Variants in ABCC3 observed in about 807,000 individuals in gnomAD.
The protein encoded by ABCC3 is ATP-binding cassette sub-family C member 3.
ABCC3 carries 121 observed loss-of-function variants against 165.3 expected under a neutral mutation model. The ratio of observed to expected loss-of-function variants is 0.73; its 90% confidence interval spans 0.63 to 0.85. The LOEUF (loss-of-function observed/expected upper bound fraction) is 0.85, where lower values mean the gene tolerates loss of function less well. ABCC3 is among the 40% of genes least tolerant of loss of function. ABCC3 has a pLI of 0.00. For missense variants in ABCC3, 1,869 were observed against 1,964.1 expected (o/e 0.95, Z 0.92); for synonymous variants, 733 against 810.1 (o/e 0.90, Z 1.62).
intron 1 of ABCC3, chr17:50,643,678 G>A (rs1243689345): frequency 4.4e-6 from 2 of 455,718 alleles, no homozygotes; most frequent in South Asian, 3.1e-5. Flanking sequence ...TTTCAGCCAG[G>A]CCTGTCACCC....
intron 19 of ABCC3, among the ~76,000 whole-genome samples, chr17:50,673,957 T>TTCCTTCC (rs1967716369): frequency 5.6e-5 from 1 of 17,920 alleles, no homozygotes; most frequent in African/African-American, 2.4e-4. Flanking sequence ...TCTTTCTTTC[T>TTCCTTCC]TTCTTTCTTT....
At chr17:50,673,384 C>T in intron 18 of ABCC3, 85 bp from the exon 19 acceptor site, 2 of 1,522,588 alleles carry the variant, frequency 1.3e-6, no homozygotes, top group African/African-American at 1.4e-5. Flanking sequence ...CATGGGCACA[C>T]TTCACACTCA....
chr17:50,681,762 G>A (rs1315841031), intron 26 of ABCC3, among the ~76,000 whole-genome samples: 1 of 151,998 alleles, frequency 6.6e-6, no homozygotes, highest in African/African-American at 2.4e-5. Flanking sequence ...TTCTGTTCTC[G>A]TCTAATTCAA....
Position 50,659,636 on chromosome 17 carries a change from CACTT to C in ABCC3, c.806+270_806+273del, listed in dbSNP as rs1456837052. ...CCCATCCTAAGGATATAAATAAACT[CACTT>C]AATTTTTCAACAGCCCTAAAGGGTA... On this transcript the variant is annotated intron_variant, in intron 7 of 30. Coordinates refer to ENST00000285238, the MANE Select transcript of ABCC3 (RefSeq NM_003786.4). Among the ~76,000 whole-genome samples, 3 of 152,128 alleles carry C rather than the reference CACTT, an allele frequency of 2.0e-5. No homozygotes were observed. The East Asian group carries it at 5.8e-4, about 29-fold the overall frequency.
intron 1 of ABCC3, among the ~76,000 whole-genome samples, chr17:50,649,111 CAAAAA>C (rs575758407): frequency 2.0e-5 from 2 of 100,182 alleles, no homozygotes; most frequent in African/African-American, 4.2e-5. Flanking sequence ...GACTCCATCT[CAAAAA>C]AAAAAAAAAA....
intron 1 of ABCC3, among the ~76,000 whole-genome samples, chr17:50,648,808 C>G (rs1967054391): frequency 6.6e-6 from 1 of 152,118 alleles, no homozygotes; most frequent in Non-Finnish European, 1.5e-5. Context: ...AATATTGAGA[C>G]AGCCAAGCCG....
chr17:50,679,867 A>G lies in ABCC3; in HGVS notation c.3775A>G (p.Arg1259Gly). 1.2e-6 allele frequency: 2 copies of G among 1,614,090 alleles called. No homozygotes were observed. The highest frequency in any genetic ancestry group is 2.2e-5 in the East Asian group (1 of 44,878). Residue 1259 changes from arginine to glycine, a missense_variant, in exon 26 of 31, where the codon AGG becomes GGG. Transcript: ENST00000285238. ...GGAATCTAACATCGTGGCTGTGGAG[A>G]GGGTCAAGGAGTACTCCAAGACAGA... ...DLESNIVAVE[R>G]VKEYSKTETE... is the part of the protein sequence containing the mutation.
Position 50,659,220 on chromosome 17 carries a change from G to T in ABCC3, c.675-17G>T, listed in dbSNP as rs1205792927. 3 of 1,612,766 alleles carry T rather than the reference G, an allele frequency of 1.9e-6. No homozygotes were observed. Among genetic ancestry groups the T allele is most frequent in the East Asian group, 2.2e-5 (1 of 44,848 alleles). ...GACCCTCTGCGGGGCTGCCTGCCGG[G>T]CTTCACCTCCCCCCAGGATGGCCAT... is the stretch of plus-strand genomic sequence containing the variant. On this transcript the variant is annotated splice_polypyrimidine_tract_variant and intron_variant, in intron 6 of 30. Transcript: ENST00000285238.
In ABCC3 at chr17:50,687,528, A is replaced by T. The variant is rs752952212; in HGVS notation, c.4281-8A>T. 1 of 1,611,060 alleles carries T rather than the reference A, an allele frequency of 6.2e-7. No homozygotes were observed. The highest frequency in any genetic ancestry group is 8.5e-7 in the Non-Finnish European group (1 of 1,179,000). ...CCAGCTGGAAATGCCTGCCTTCTCC[A>T]CTCCCAGCGTGGGCCAGAGGCAGCT... On this transcript the variant is annotated splice_region_variant and splice_polypyrimidine_tract_variant and intron_variant, in intron 29 of 30. Transcript: ENST00000285238.
intron 18 of ABCC3, 25 bp downstream of exon 18, chr17:50,673,163 G>C: frequency 6.2e-7 from 1 of 1,612,224 alleles, no homozygotes; most frequent in Non-Finnish European, 8.5e-7. Context: ...AGGCTAAGGG[G>C]GCTAAGGTGA....
In ABCC3 at chr17:50,661,029, G is replaced by A; in HGVS notation, c.913G>A (p.Ala305Thr). Residue 305 changes from alanine (A) to threonine (T), a missense_variant, in exon 8 of 31, where the codon GCC becomes ACC. Physicochemically the swap from Ala to Thr is moderately conservative, Grantham distance 58. Transcript: ENST00000285238. ...GCCCTCCTTCCTGAAGGCCCTGCTG[G>A]CCACCTTCGGCTCCAGCTTCCTCAT... ...RKPSFLKALL[A>T]TFGSSFLISA... 1 of 1,614,130 alleles carries A rather than the reference G, an allele frequency of 6.2e-7. No individual in the cohort carries two copies. Among genetic ancestry groups the A allele is most frequent in the Non-Finnish European group, 8.5e-7 (1 of 1,180,006 alleles).
chr17:50,635,116 A>AG (rs1179181949), intron 1 of ABCC3, 135 bp downstream of exon 1: 11 of 986,894 alleles, frequency 1.1e-5, no homozygotes, highest in Non-Finnish European at 1.5e-5. Flanking sequence ...GGCGCCCGGG[A>AG]GGGGGCGATG....
At chr17:50,656,060 C>A in intron 2 of ABCC3, 52 bp downstream of exon 2, 1 of 1,354,408 alleles carries the variant, frequency 7.4e-7, no homozygotes. Flanking sequence ...GGGGATTCTG[C>A]TTTTATTTTT....
chr17:50,648,338 A>G lies in ABCC3; in HGVS notation c.46-7494A>G, dbSNP rs149931355. Among the ~76,000 whole-genome samples, 60 of 152,324 alleles carry G rather than the reference A, an allele frequency of 3.9e-4. No individual in the cohort carries two copies. The East Asian group carries it at 0.011, about 29-fold the overall frequency. ...GAGGGCTGAAGGAGGCAAGGGGAAG[A>G]GCAGGGCTGAAAGCAGCGGCTGCTA... On this transcript the variant is annotated intron_variant, in intron 1 of 30. Coordinates refer to ENST00000285238, the MANE Select transcript of ABCC3 (RefSeq NM_003786.4).
chr17:50,675,378 G>GT lies in ABCC3; in HGVS notation c.2616_2617insT (p.Asp873Ter). On this transcript the variant is annotated frameshift_variant, in exon 20 of 31. Transcript: ENST00000285238. LOFTEE classifies it high-confidence loss of function. ...CTACTGCAGCGTTGGAAGGTGCAGA[G>GT]GATAAGGAGGCACTGCTGATTGAAG... The GT allele has an allele frequency of 1.2e-6, 2 of 1,613,374 alleles. No individual in the cohort carries two copies. The highest frequency in any genetic ancestry group is 1.7e-4 in the Middle Eastern group (1 of 6,058).
intron 1 of ABCC3, among the ~76,000 whole-genome samples, chr17:50,652,993 G>T (rs1234260011): frequency 6.6e-6 from 1 of 152,160 alleles, no homozygotes; most frequent in South Asian, 2.1e-4. Flanking sequence ...GTCACTAAAT[G>T]CTCCTGAGGG....
In ABCC3 at chr17:50,656,816, G is replaced by A. The variant is rs760922676; in HGVS notation, c.337G>A (p.Gly113Arg). The change falls in exon 3 of 31, where the codon GGG becomes AGG. Residue 113 changes from glycine (G) to arginine (R), a missense_variant. Gly to Arg is a moderately radical substitution (Grantham distance 125, BLOSUM62 -2). Transcript: ENST00000285238. ...PVFFVTPLVV[G>R]VTMLLATLLI... ...TTTCTTTGTCACCCCCTTGGTGGTG[G>A]GGGTCACCATGGTCAGTGTGGGGCC... The A allele has an allele frequency of 2.5e-6, 4 of 1,611,012 alleles. No individual in the cohort carries two copies. Among genetic ancestry groups the A allele is most frequent in the East Asian group, 2.2e-5 (1 of 44,862 alleles).
chr17:50,675,509 G>C (rs767957838), intron 20 of ABCC3, 33 bp downstream of exon 20: 1 of 1,600,656 alleles, frequency 6.2e-7, no homozygotes, highest in Non-Finnish European at 8.5e-7. Flanking sequence ...CCCTCCCGGA[G>C]GCTGTATCAG....
At chr17:50,638,193 C>T (rs2054196567) in intron 1 of ABCC3, among the ~76,000 whole-genome samples, 1 of 152,190 alleles carries the variant, frequency 6.6e-6, no homozygotes, top group African/African-American at 2.4e-5. Context: ...AGGTGGGATC[C>T]TCTGCCTGCA....
Sources: allele counts gnomAD v4.1 joint callset (sites outside exome capture counted in the v4.1 genomes callset), GRCh38; gene constraint gnomAD v4.1.1; transcripts MANE v1.5; gene names NCBI Gene and HGNC (gene_info 2026-07-23, HGNC 2026-07-21).